Variants in EIF4ENIF1 observed in about 807,000 individuals in gnomAD.
EIF4ENIF1 encodes eukaryotic translation initiation factor 4E nuclear import factor 1.
A neutral mutation model predicts 110.5 loss-of-function variants in EIF4ENIF1; 23 were observed. The observed-to-expected ratio is 0.21, with a 90% CI of 0.15 to 0.29. The LOEUF (loss-of-function observed/expected upper bound fraction) is 0.29. Ranked by LOEUF, EIF4ENIF1 falls within the 10% of genes least tolerant of loss-of-function variation. EIF4ENIF1 has a pLI of 1.00. For missense variants in EIF4ENIF1, 1,031 were observed against 1,221.1 expected, an observed-to-expected ratio of 0.84 and a Z score of 2.32; for synonymous variants, 440 against 437.0, an observed-to-expected ratio of 1.01 and a Z score of -0.09.
At position 31,464,726 on chromosome 22, in the gene EIF4ENIF1, A is replaced by ATATATATATT. The variant is rs796108181; in HGVS notation, c.299-760_299-759insAATATATATA. Among the ~76,000 whole-genome samples the ATATATATATT allele has an allele frequency of 9.4e-3, 536 of 57,074 alleles. 79 individuals carry two copies. Among genetic ancestry groups the ATATATATATT allele is most frequent in the Middle Eastern group, 0.014 (1 of 70 alleles). 37.4% of individuals were successfully genotyped at this position (57,074 alleles called of 152,430 possible). A position where few individuals can be genotyped will look rare whatever the true frequency, so the allele number is the denominator to read the frequency against. ...TATATATATATATATATATATATAT[A>ATATATATATT]AACAGATATATACAAAAATTAATTC... On this transcript the variant is annotated intron_variant, in intron 4 of 18. Coordinates refer to ENST00000330125, the MANE Select transcript of EIF4ENIF1 (RefSeq NM_019843.4).
chr22:31,472,167 C>T (rs149313703), intron 2 of EIF4ENIF1, among the ~76,000 whole-genome samples: 91 of 152,198 alleles, frequency 6.0e-4, no homozygotes, highest in Non-Finnish European at 1.0e-3. Flanking sequence ...AATAACATTT[C>T]GTAACACTGA....
At chr22:31,444,403 C>G (rs2050397655) in intron 15 of EIF4ENIF1, 1 of 529,444 alleles carries the variant, frequency 1.9e-6, no homozygotes, top group Admixed American at 3.1e-5. Flanking sequence ...ATATTTTCCC[C>G]AATATAGGGG....
intron 2 of EIF4ENIF1, among the ~76,000 whole-genome samples, chr22:31,483,159 G>C (rs1308835191): frequency 6.7e-6 from 1 of 150,296 alleles, no homozygotes; most frequent in African/African-American, 2.5e-5. Context: ...TGGTGAACAA[G>C]GGCTTCTGGT....
chr22:31,439,277 T>C, downstream of EIF4ENIF1: 1 of 153,066 alleles, frequency 6.5e-6, no homozygotes, highest in South Asian at 2.1e-4. Context: ...ACCACTGTAC[T>C]CCAGCCTGGG....
chr22:31,450,231 C>G (rs1569072001), intron 11 of EIF4ENIF1, 58 bp downstream of exon 11: 12 of 1,448,108 alleles, frequency 8.3e-6, no homozygotes, highest in Non-Finnish European at 1.2e-5. Context: ...CTAAGCAAAA[C>G]TGGTTCAGAA....
chr22:31,439,994 C>T lies in EIF4ENIF1; in HGVS notation c.2844G>A (p.Arg948=), dbSNP rs1281970199. ...TGGCAAGGCCCACAGGGGAGCTGCT[C>T]CTCTGGCTGGGGCGATGCTCCAGCT... ...HSQLEHRPSQ[R]SSSPVGLAKW... The change falls in exon 19 of 19, where the codon AGG becomes AGA. Residue 948 remains arginine (R), a synonymous_variant. Coordinates refer to ENST00000330125, the MANE Select transcript of EIF4ENIF1 (RefSeq NM_019843.4). The T allele has an allele frequency of 6.2e-7, 1 of 1,613,998 alleles. No individual in the cohort carries two copies. The highest frequency in any genetic ancestry group is 1.1e-5 in the South Asian group (1 of 91,050).
At chr22:31,438,953 C>T (rs5997986), downstream of EIF4ENIF1, among the ~76,000 whole-genome samples, 68,800 of 151,954 alleles carry the variant, frequency 0.45, 16,364 homozygotes, top group Middle Eastern at 0.57. Context: ...ATCTCTTGAC[C>T]TTGTGATTCG....
At chr22:31,449,631 C>T in intron 11 of EIF4ENIF1, 100 bp from the exon 12 acceptor site, 7 of 1,083,196 alleles carry the variant, frequency 6.5e-6, no homozygotes, top group Non-Finnish European at 9.2e-6. Context: ...GATGGATCTC[C>T]CTCATGCTCA....
In EIF4ENIF1 at chr22:31,439,745, A is replaced by G. The variant is rs2295240; in HGVS notation, c.*135T>C. ...CTTCCATCATAATGCGGACCACACCAGATGCATGGGTTCCACCAAACAGCT... is the reference window on the plus strand; with the variant it reads ...CTTCCATCATAATGCGGACCACACCGGATGCATGGGTTCCACCAAACAGCT... On this transcript the variant is annotated 3_prime_UTR_variant, in exon 19 of 19. Coordinates refer to ENST00000330125, the MANE Select transcript of EIF4ENIF1 (RefSeq NM_019843.4). The G allele has an allele frequency of 9.9e-3, 12,664 of 1,274,314 alleles. 408 individuals are homozygous for G. The highest frequency in any genetic ancestry group is 0.09 in the Admixed American group (3,514 of 39,160). 78.9% of individuals were successfully genotyped at this position (1,274,314 alleles called of 1,614,324 possible).
intron 10 of EIF4ENIF1, 36 bp from the exon 11 acceptor site, chr22:31,450,396 T>C: frequency 6.6e-7 from 1 of 1,516,886 alleles, no homozygotes. Flanking sequence ...TTTAACTTTC[T>C]TAACTCACTT....
chr22:31,455,423 G>C (rs2050785188), intron 8 of EIF4ENIF1, 108 bp from the exon 9 acceptor site: 2 of 1,016,218 alleles, frequency 2.0e-6, no homozygotes, highest in Non-Finnish European at 2.6e-6. Flanking sequence ...CTTTGAGATG[G>C]AGTTTCGCTT....
Position 31,455,116 on chromosome 22 carries a change from A to G in EIF4ENIF1, c.1279+20T>C. The stretch of plus-strand genomic sequence containing the variant: ...CTAGACCTTTTCAGATATCTAAAAC[A>G]GATATTCATAAACACTTACAGCTTT... On this transcript the variant is annotated intron_variant, in intron 9 of 18. Coordinates refer to ENST00000330125, the MANE Select transcript of EIF4ENIF1 (RefSeq NM_019843.4). The G allele has an allele frequency of 6.3e-7, 1 of 1,594,224 alleles. No individual in the cohort carries two copies. Among genetic ancestry groups the G allele is most frequent in the Non-Finnish European group, 8.5e-7 (1 of 1,171,130 alleles).
chr22:31,443,927 G>A (rs2050382486), intron 15 of EIF4ENIF1, among the ~76,000 whole-genome samples: 1 of 151,036 alleles, frequency 6.6e-6, no homozygotes, highest in Non-Finnish European at 1.5e-5. Flanking sequence ...CCCGAGTATA[G>A]CTGGGACCAC....
chr22:31,438,027 C>T (rs571512357), downstream of EIF4ENIF1, among the ~76,000 whole-genome samples: 22 of 152,254 alleles, frequency 1.4e-4, no homozygotes, highest in Non-Finnish European at 2.2e-4. Context: ...TGCAAGTACA[C>T]GGCAGGGTGG....
At chr22:31,451,664 CTTTT>C (rs554930183) in intron 10 of EIF4ENIF1, among the ~76,000 whole-genome samples, 2 of 139,434 alleles carry the variant, frequency 1.4e-5, no homozygotes. Context: ...GTAGTGGTTA[CTTTT>C]TTTTTTTTTT....
chr22:31,459,745 G>C (rs2050933693), intron 6 of EIF4ENIF1, among the ~76,000 whole-genome samples: 1 of 46,284 alleles, frequency 2.2e-5, no homozygotes, highest in Non-Finnish European at 5.2e-5. Context: ...TGACATCTTA[G>C]TTTTTAATGT....
chr22:31,471,144 A>G (rs1262989610), intron 3 of EIF4ENIF1, among the ~76,000 whole-genome samples: 1 of 152,004 alleles, frequency 6.6e-6, no homozygotes, highest in Non-Finnish European at 1.5e-5. Context: ...TTCTGAGGGA[A>G]ACTAGGATGA....
intron 4 of EIF4ENIF1, 99 bp from the exon 5 acceptor site, chr22:31,464,066 T>C (rs1434397976): frequency 3.4e-6 from 5 of 1,454,026 alleles, no homozygotes; most frequent in Admixed American, 5.1e-5. Context: ...AAGGGGATGG[T>C]TGGAAGAGAG....
chr22:31,492,138 G>T (rs2052291942), upstream of EIF4ENIF1, among the ~76,000 whole-genome samples: 1 of 152,168 alleles, frequency 6.6e-6, no homozygotes, highest in South Asian at 2.1e-4. Flanking sequence ...CTCTCCCTGT[G>T]TCTGAGCTTC....
Sources: allele counts gnomAD v4.1 joint callset (sites outside exome capture counted in the v4.1 genomes callset), GRCh38; gene constraint gnomAD v4.1.1; transcripts MANE v1.5; gene names NCBI Gene and HGNC (gene_info 2026-07-23, HGNC 2026-07-21).